Variants in ZSWIM6 observed in about 807,000 individuals in gnomAD.
ZSWIM6 encodes the protein zinc finger SWIM domain-containing protein 6.
ZSWIM6 carries 9 observed loss-of-function variants against 113.2 expected under a neutral mutation model. The ratio of observed to expected loss-of-function variants is 0.08; its 90% CI spans 0.05 to 0.14. ZSWIM6 has a LOEUF of 0.14. Among genes scored for constraint, ZSWIM6 ranks in the 10% least tolerant of loss-of-function variants. The pLI is 1.00. For missense variants in ZSWIM6, 1,162 were observed against 1,552.2 expected, an observed-to-expected ratio of 0.75 and a Z score of 4.22; for synonymous variants, 611 against 606.5, an observed-to-expected ratio of 1.01 and a Z score of -0.11.
At chr5:61,536,480 G>A (rs1224883786) in intron 10 of ZSWIM6, among the ~76,000 whole-genome samples, 4 of 152,160 alleles carry the variant, frequency 2.6e-5, no homozygotes, top group African/African-American at 9.7e-5. Flanking sequence ...GGAAAGTACA[G>A]ATCACCTAAG....
chr5:61,526,222 AC>A (rs1749279374), intron 6 of ZSWIM6, 27 bp from the exon 7 acceptor site: 6 of 1,529,090 alleles, frequency 3.9e-6, no homozygotes, highest in Non-Finnish European at 5.3e-6. Context: ...GACAGTGGCA[AC>A]TTTACCCCCT....
chr5:61,442,747 T>A (rs12520195), intron 1 of ZSWIM6, among the ~76,000 whole-genome samples: 3,933 of 152,350 alleles, frequency 0.026, 169 homozygotes, highest in South Asian at 0.18. Context: ...ATTGAACTTA[T>A]GCAAACAACC....
At chr5:61,418,824 T>A (rs1168070470) in intron 1 of ZSWIM6, among the ~76,000 whole-genome samples, 1 of 152,030 alleles carries the variant, frequency 6.6e-6, no homozygotes, top group Non-Finnish European at 1.5e-5. Context: ...TGTTTATAAC[T>A]TACTATTATT....
chr5:61,426,498 T>C (rs1561232638), intron 1 of ZSWIM6, among the ~76,000 whole-genome samples: 1 of 152,196 alleles, frequency 6.6e-6, no homozygotes, highest in Non-Finnish European at 1.5e-5. Context: ...CAAAACTACA[T>C]ACAGACAGCA....
chr5:61,540,324 A>G (rs910448762), intron 12 of ZSWIM6, among the ~76,000 whole-genome samples: 2 of 152,168 alleles, frequency 1.3e-5, no homozygotes, highest in Non-Finnish European at 2.9e-5. Context: ...GCTTCCTTAT[A>G]GTTTCTGAAC....
chr5:61,497,239 A>T (rs961074697), intron 4 of ZSWIM6, among the ~76,000 whole-genome samples: 1 of 152,154 alleles, frequency 6.6e-6, no homozygotes, highest in South Asian at 2.1e-4. Flanking sequence ...CAGCCAGAAG[A>T]TTACAAAATC....
At chr5:61,501,944 G>T (rs112690529) in intron 4 of ZSWIM6, among the ~76,000 whole-genome samples, 269 of 152,200 alleles carry the variant, frequency 1.8e-3, no homozygotes, top group African/African-American at 6.3e-3. Flanking sequence ...AGTACTGACC[G>T]CACTTGCCTT....
intron 4 of ZSWIM6, among the ~76,000 whole-genome samples, chr5:61,519,324 T>G (rs567880831): frequency 6.6e-6 from 1 of 152,290 alleles, no homozygotes; most frequent in South Asian, 2.1e-4. Context: ...GGGGGTCCTT[T>G]TTCCCTGTGC....
chr5:61,353,766 C>G (rs1744839250), intron 1 of ZSWIM6, among the ~76,000 whole-genome samples: 1 of 140,914 alleles, frequency 7.1e-6, no homozygotes, highest in Admixed American at 7.4e-5. Flanking sequence ...GACATAAATA[C>G]TTTGACTTGA....
chr5:61,527,591 G>A (rs1397923328), intron 7 of ZSWIM6, among the ~76,000 whole-genome samples: 1 of 152,166 alleles, frequency 6.6e-6, no homozygotes, highest in Non-Finnish European at 1.5e-5. Flanking sequence ...TCACTGGTGT[G>A]TGCAAAATAC....
chr5:61,529,265 A>G (rs1351934464), intron 7 of ZSWIM6, among the ~76,000 whole-genome samples: 3 of 152,272 alleles, frequency 2.0e-5, no homozygotes, highest in Non-Finnish European at 4.4e-5. Context: ...ACTTAGATGT[A>G]AAATACTGCA....
intron 1 of ZSWIM6, among the ~76,000 whole-genome samples, chr5:61,458,376 A>T (rs1217808307): frequency 6.6e-6 from 1 of 152,194 alleles, no homozygotes; most frequent in Non-Finnish European, 1.5e-5. Flanking sequence ...CTATGAGGAG[A>T]TCTGCAAGAA....
chr5:61,539,854 G>A (rs935169005), intron 12 of ZSWIM6, 95 bp downstream of exon 12: 10 of 1,212,050 alleles, frequency 8.3e-6, no homozygotes, highest in Non-Finnish European at 1.1e-5. Flanking sequence ...TTGAGTGCAG[G>A]TAAATGACTC....
At chr5:61,538,219 G>A (rs532026152) in intron 10 of ZSWIM6, among the ~76,000 whole-genome samples, 2 of 152,348 alleles carry the variant, frequency 1.3e-5, no homozygotes, top group East Asian at 1.9e-4. Flanking sequence ...CTGTAATATG[G>A]TTGGTAGAAC....
chr5:61,392,904 G>T (rs558896303), intron 1 of ZSWIM6, among the ~76,000 whole-genome samples: 1 of 151,814 alleles, frequency 6.6e-6, no homozygotes, highest in African/African-American at 2.4e-5. Context: ...GAGCCACCGC[G>T]CCTGGCCCAT....
At chr5:61,481,688 C>T (rs1328151468) in intron 2 of ZSWIM6, among the ~76,000 whole-genome samples, 1 of 151,832 alleles carries the variant, frequency 6.6e-6, no homozygotes. Context: ...AGACAGGGGA[C>T]GCCAAAGACT....
chr5:61,489,569 A>T (rs1325020523), intron 2 of ZSWIM6, among the ~76,000 whole-genome samples: 2 of 152,084 alleles, frequency 1.3e-5, no homozygotes, highest in African/African-American at 4.8e-5. Context: ...TTGCAGATTA[A>T]TCATATGAAC....
chr5:61,423,790 AC>A (rs1746404392), intron 1 of ZSWIM6, among the ~76,000 whole-genome samples: 1 of 152,178 alleles, frequency 6.6e-6, no homozygotes, highest in Admixed American at 6.6e-5. Context: ...AGCCAAAAAG[AC>A]TTCTTCATAT....
chr5:61,492,569 G>A (rs1399452047), intron 3 of ZSWIM6, among the ~76,000 whole-genome samples: 4 of 152,094 alleles, frequency 2.6e-5, no homozygotes, highest in Admixed American at 6.6e-5. Context: ...TAAATAGTAA[G>A]TATCAATGTA....
Sources: allele counts gnomAD v4.1 joint callset (sites outside exome capture counted in the v4.1 genomes callset), GRCh38; gene constraint gnomAD v4.1.1; transcripts MANE v1.5; gene names NCBI Gene and HGNC (gene_info 2026-07-23, HGNC 2026-07-21).